SESTD1: variants seen among roughly 807,000 people sequenced by gnomAD.
The protein encoded by SESTD1 is SEC14 and spectrin domain containing 1, also known as SEC14 domain and spectrin repeat-containing protein 1.
In SESTD1, 43 loss-of-function variants were observed where a neutral mutation model predicts 101.7. The ratio of observed to expected loss-of-function variants is 0.42; its 90% confidence interval spans 0.33 to 0.55. SESTD1 has a LOEUF of 0.55. Among genes scored for constraint, SESTD1 ranks in the 20% least tolerant of loss-of-function variants. The pLI is 0.07. For synonymous variants in SESTD1, 283 were observed against 286.8 expected (o/e 0.99, Z 0.13); for missense variants, 647 against 815.1 (o/e 0.79, Z 2.51).
At position 179,259,540 on chromosome 2, in the gene SESTD1, C is replaced by CT. The variant is rs368585752; in HGVS notation, c.-26+4958dup. Reference sequence around the variant, plus strand: ...ACCGCACCCAGCCTTAGTTCTCTAGCTTTTTTATAGGTAAGGAAAACAGAA... The same window carrying CT: ...ACCGCACCCAGCCTTAGTTCTCTAGCTTTTTTTATAGGTAAGGAAAACAGAA... On this transcript the variant is annotated intron_variant, in intron 1 of 17. Coordinates refer to ENST00000428443, the MANE Select transcript of SESTD1 (RefSeq NM_178123.5). Among the ~76,000 whole-genome samples the CT allele has an allele frequency of 3.6e-3, 552 of 152,086 alleles. 1 individual carries two copies. The highest frequency in any genetic ancestry group is 0.027 in the Middle Eastern group (8 of 294).
chr2:179,235,171 T>A (rs1404805531), intron 1 of SESTD1, among the ~76,000 whole-genome samples: 2 of 152,296 alleles, frequency 1.3e-5, no homozygotes, highest in East Asian at 3.9e-4. Context: ...AACTTCCTGA[T>A]ACTGACGATT....
chr2:179,202,064 T>C (rs2046525935), intron 1 of SESTD1, among the ~76,000 whole-genome samples: 1 of 132,866 alleles, frequency 7.5e-6, no homozygotes, highest in African/African-American at 3.0e-5. Flanking sequence ...AGGAATTTTG[T>C]ATGTGATTAA....
chr2:179,102,398 T>C lies in SESTD1; in HGVS notation c.*7501A>G, dbSNP rs1193576225. 6.6e-6 allele frequency: 1 copy of C among 152,184 alleles called. No homozygotes were observed. The highest frequency in any genetic ancestry group is 1.9e-4 in the East Asian group (1 of 5,202). The allele number at this position is 152,184 out of a possible 1,614,324, so 9.4% of individuals were successfully genotyped here. On this transcript the variant is annotated 3_prime_UTR_variant, in exon 18 of 18. Transcript: ENST00000428443. The stretch of plus-strand genomic sequence containing the variant: ...ATGCAGAATTCATCAGATTATCTTA[T>C]AGAGACCAGTGTGACTTAATTCTCC...
chr2:179,134,323 A>C (rs2045088231), intron 9 of SESTD1, among the ~76,000 whole-genome samples: 2 of 152,216 alleles, frequency 1.3e-5, no homozygotes, highest in African/African-American at 2.4e-5. Context: ...TGATTTTTCC[A>C]CTTGGCTATT....
At chr2:179,110,108 T>C in intron 17 of SESTD1, 80 bp from the exon 18 acceptor site, 1 of 1,441,606 alleles carries the variant, frequency 6.9e-7, no homozygotes, top group Non-Finnish European at 9.5e-7. Context: ...AAGCAAAAAT[T>C]TACCATAAAA....
chr2:179,217,940 T>C (rs1042624003), intron 1 of SESTD1, among the ~76,000 whole-genome samples: 3 of 141,648 alleles, frequency 2.1e-5, no homozygotes, highest in Admixed American at 7.3e-5. Context: ...CGAGAACACT[T>C]GGACACAGGG....
At chr2:179,171,650 C>T (rs904777249) in intron 5 of SESTD1, among the ~76,000 whole-genome samples, 5 of 152,032 alleles carry the variant, frequency 3.3e-5, no homozygotes, top group Admixed American at 1.3e-4. Context: ...GTAAGATGCA[C>T]TATCACACAA....
chr2:179,178,427 T>C (rs2046048740), intron 3 of SESTD1, among the ~76,000 whole-genome samples: 1 of 152,050 alleles, frequency 6.6e-6, no homozygotes, highest in African/African-American at 2.4e-5. Context: ...GCCAAGGAGT[T>C]TGAGGCCAGC....
chr2:179,259,210 G>A (rs1345604940), intron 1 of SESTD1, among the ~76,000 whole-genome samples: 1 of 152,124 alleles, frequency 6.6e-6, no homozygotes, highest in Non-Finnish European at 1.5e-5. Context: ...GTTGTAAAGT[G>A]CCTAGTGTTA....
intron 8 of SESTD1, among the ~76,000 whole-genome samples, chr2:179,144,325 G>C (rs971601814): frequency 7.9e-5 from 12 of 151,994 alleles, no homozygotes; most frequent in Admixed American, 3.9e-4. Flanking sequence ...TATAATAAAT[G>C]AATGATTAAA....
intron 1 of SESTD1, among the ~76,000 whole-genome samples, chr2:179,194,969 C>T (rs2046368345): frequency 6.6e-6 from 1 of 152,270 alleles, no homozygotes; most frequent in Non-Finnish European, 1.5e-5. Context: ...ACACAGCCTT[C>T]AAGTTCTTCA....
intron 5 of SESTD1, among the ~76,000 whole-genome samples, chr2:179,161,016 A>T (rs969576871): frequency 6.6e-6 from 1 of 150,882 alleles, no homozygotes; most frequent in Non-Finnish European, 1.5e-5. Flanking sequence ...AGCTCAAGTG[A>T]TCCTCCCTTC....
chr2:179,133,902 G>GA (rs1256329179), intron 9 of SESTD1, among the ~76,000 whole-genome samples: 4 of 151,426 alleles, frequency 2.6e-5, no homozygotes, highest in East Asian at 3.9e-4. Flanking sequence ...ATATATTTGG[G>GA]AAAAAAAATC....
chr2:179,115,737 G>A (rs983632100), intron 15 of SESTD1, among the ~76,000 whole-genome samples: 6 of 151,976 alleles, frequency 3.9e-5, no homozygotes, highest in Non-Finnish European at 5.9e-5. Flanking sequence ...GACAGAGCAA[G>A]GCCTTGTCTC....
chr2:179,203,414 C>T lies in SESTD1; in HGVS notation c.-25-11548G>A, dbSNP rs1040497245. ...ACCAACCTGGGCAACATGGCAAGAACCCCACTCTATTTTTTAAAAAAGGGG... is the reference window on the plus strand; with the variant it reads ...ACCAACCTGGGCAACATGGCAAGAATCCCACTCTATTTTTTAAAAAAGGGG... On this transcript the variant is annotated intron_variant, in intron 1 of 17. Transcript: ENST00000428443. Among the ~76,000 whole-genome samples, 13 of 133,152 alleles carry T rather than the reference C, an allele frequency of 9.8e-5. 3 individuals carry two copies. Among genetic ancestry groups the T allele is most frequent in the Non-Finnish European group, 2.1e-4 (13 of 62,312 alleles). 87.4% of individuals were successfully genotyped at this position (133,152 alleles called of 152,430 possible).
At chr2:179,250,843 G>C (rs1398081390) in intron 1 of SESTD1, among the ~76,000 whole-genome samples, 1 of 152,102 alleles carries the variant, frequency 6.6e-6, no homozygotes, top group Non-Finnish European at 1.5e-5. Context: ...TAACAGTACA[G>C]ACACTATGGG....
chr2:179,203,501 C>T (rs1393416812), intron 1 of SESTD1, among the ~76,000 whole-genome samples: 1 of 133,372 alleles, frequency 7.5e-6, no homozygotes, highest in Non-Finnish European at 1.6e-5. Context: ...GACGGTAGCA[C>T]ACCCAGAGAG....
intron 1 of SESTD1, among the ~76,000 whole-genome samples, chr2:179,229,528 G>GAT (rs1337339386): frequency 6.6e-6 from 1 of 151,758 alleles, no homozygotes; most frequent in Non-Finnish European, 1.5e-5. Flanking sequence ...TCTCGTTCTA[G>GAT]ATATAGATAT....
chr2:179,158,524 A>C (rs1238977424), intron 5 of SESTD1, among the ~76,000 whole-genome samples: 1 of 152,196 alleles, frequency 6.6e-6, no homozygotes, highest in African/African-American at 2.4e-5. Flanking sequence ...TCCTAAAATT[A>C]ACTTAAATGT....
Sources: allele counts gnomAD v4.1 joint callset (sites outside exome capture counted in the v4.1 genomes callset), GRCh38; gene constraint gnomAD v4.1.1; transcripts MANE v1.5; gene names NCBI Gene and HGNC (gene_info 2026-07-23, HGNC 2026-07-21).